KCNK10: variants seen among roughly 807,000 people sequenced by gnomAD.
KCNK10 encodes the protein potassium two pore domain channel subfamily K member 10, also known as potassium channel subfamily K member 10.
Under a neutral mutation model 47.7 loss-of-function variants are expected in KCNK10, and 25 were observed. That is an observed-to-expected ratio of 0.52 (90% CI 0.38 to 0.73). The LOEUF (loss-of-function observed/expected upper bound fraction) is 0.73, where lower values mean the gene tolerates loss of function less well. KCNK10 is among the 30% of genes least tolerant of loss of function. The probability of loss-of-function intolerance (pLI) is 0.00; values close to 1 mark genes in which losing one functional copy is unlikely to be tolerated. For missense variants in KCNK10, 563 were observed against 714.5 expected (o/e 0.79, Z 2.42); for synonymous variants, 303 against 285.6 (o/e 1.06, Z -0.61).
intron 2 of KCNK10, among the ~76,000 whole-genome samples, chr14:88,241,432 G>A (rs1379230891): frequency 1.3e-5 from 2 of 152,098 alleles, no homozygotes; most frequent in East Asian, 3.9e-4. Flanking sequence ...CCAAATGTCT[G>A]GCTCCCAGTT....
intron 1 of KCNK10, among the ~76,000 whole-genome samples, chr14:88,306,646 T>C (rs1888208384): frequency 1.3e-5 from 2 of 149,776 alleles, no homozygotes; most frequent in African/African-American, 2.4e-5. Context: ...GAGGAAGGGA[T>C]ACACCATCTC....
At chr14:88,212,109 A>AATATATTTATATATATATATAT in intron 4 of KCNK10, among the ~76,000 whole-genome samples, 1 of 133,334 alleles carries the variant, frequency 7.5e-6, no homozygotes, top group Non-Finnish European at 1.6e-5. Flanking sequence ...TGATAGTGAG[A>AATATATTTATATATATATATAT]ATATATATAT....
chr14:88,264,202 G>A (rs1234807552), intron 1 of KCNK10, among the ~76,000 whole-genome samples: 4 of 152,026 alleles, frequency 2.6e-5, no homozygotes, highest in African/African-American at 4.8e-5. Context: ...CCTGGTTTTC[G>A]AAGCACATAG....
At chr14:88,200,019 T>C (rs1267321072) in intron 4 of KCNK10, among the ~76,000 whole-genome samples, 1 of 151,424 alleles carries the variant, frequency 6.6e-6, no homozygotes, top group African/African-American at 2.4e-5. Flanking sequence ...CTTCTTTCTC[T>C]TCTTTCCTTC....
At chr14:88,233,877 G>C (rs28389779) in intron 3 of KCNK10, among the ~76,000 whole-genome samples, 1,637 of 152,284 alleles carry the variant, frequency 0.011, 35 homozygotes, top group African/African-American at 0.038. Context: ...CATGAAACAA[G>C]AAAATTAGGA....
chr14:88,318,878 T>A (rs1214123857), intron 1 of KCNK10, among the ~76,000 whole-genome samples: 2 of 152,214 alleles, frequency 1.3e-5, no homozygotes, highest in Non-Finnish European at 2.9e-5. Context: ...ATCCAAAGTT[T>A]TTTTACACTG....
intron 3 of KCNK10, among the ~76,000 whole-genome samples, chr14:88,231,593 T>C (rs1886160790): frequency 1.3e-5 from 2 of 152,208 alleles, no homozygotes; most frequent in Admixed American, 1.3e-4. Flanking sequence ...GTGAGCATCA[T>C]TCATCCAGCT....
At chr14:88,320,868 C>G (rs1471114209) in intron 1 of KCNK10, among the ~76,000 whole-genome samples, 3 of 152,150 alleles carry the variant, frequency 2.0e-5, no homozygotes, top group African/African-American at 7.2e-5. Context: ...CTCTTCCAAC[C>G]CCACAATGCT....
intron 1 of KCNK10, among the ~76,000 whole-genome samples, chr14:88,279,475 T>G (rs1887599736): frequency 6.6e-6 from 1 of 151,704 alleles, no homozygotes; most frequent in Admixed American, 6.6e-5. Context: ...CAATGTGTGC[T>G]ACCAGATTCA....
rs958699756 is a variant in KCNK10, at chr14:88,299,966, G to T, written c.52+22781C>A. Among the ~76,000 whole-genome samples, 5 of 152,144 alleles carry T rather than the reference G, an allele frequency of 3.3e-5. 1 individual carries two copies. The highest frequency in any genetic ancestry group is 7.4e-5 in the Non-Finnish European group (5 of 68,026). On this transcript the variant is annotated intron_variant, in intron 1 of 6. Coordinates refer to ENST00000319231, the MANE Select transcript of KCNK10 (RefSeq NM_138317.3). ...CCTAACTGGGCCTGAATCTGGTTTT[G>T]CTCTCAAATGCACCCACTGCAATAT...
At position 88,186,846 on chromosome 14, in the gene KCNK10, G is replaced by A. The variant is rs573329552; in HGVS notation, c.1012-691C>T. 8.5e-5 allele frequency among the ~76,000 whole-genome samples: 13 copies of A among 152,288 alleles called. No homozygotes were observed. Among genetic ancestry groups the A allele is most frequent in the African/African-American group, 3.1e-4 (13 of 41,578 alleles). On this transcript the variant is annotated intron_variant, in intron 6 of 6. Transcript: ENST00000319231. This position sits in a 1 kb window ranked among gnomAD's most constrained non-coding sequence, Gnocchi z 5.5. ...CTGGTAACCCACTTCCCCCAGTCAG[G>A]GTGCAGGAAGACGGCCTATTCTGCC...
intron 4 of KCNK10, among the ~76,000 whole-genome samples, chr14:88,196,693 C>G (rs183410143): frequency 6.6e-6 from 1 of 152,266 alleles, no homozygotes; most frequent in East Asian, 1.9e-4. Context: ...AAGACAGAAG[C>G]TAAACATGCA....
At chr14:88,271,345 G>T (rs1017563314) in intron 1 of KCNK10, among the ~76,000 whole-genome samples, 1 of 152,184 alleles carries the variant, frequency 6.6e-6, no homozygotes, top group Admixed American at 6.5e-5. Flanking sequence ...CAGAAACTTT[G>T]ACTGCAGAGT....
At chr14:88,273,816 T>G (rs540944891) in intron 1 of KCNK10, among the ~76,000 whole-genome samples, 1 of 152,292 alleles carries the variant, frequency 6.6e-6, no homozygotes, top group South Asian at 2.1e-4. Flanking sequence ...TTGCCCTAAG[T>G]TTTTTCCTCC....
rs182763452 is a variant in KCNK10 at position 88,219,166 on chromosome 14, C to T, written c.681+8209G>A. 9.9e-5 allele frequency among the ~76,000 whole-genome samples: 15 copies of T among 152,234 alleles called. No individual in the cohort carries two copies. The East Asian group carries it at 2.7e-3, about 27-fold the overall frequency. ...TTCCCCCCGAAGAGTGATGCACAAA[C>T]GACCTGGAACTAAATTCCTGAAAGG... On this transcript the variant is annotated intron_variant, in intron 4 of 6. Coordinates refer to ENST00000319231, the MANE Select transcript of KCNK10 (RefSeq NM_138317.3).
At chr14:88,275,230 C>G (rs763155336) in intron 1 of KCNK10, among the ~76,000 whole-genome samples, 1 of 152,152 alleles carries the variant, frequency 6.6e-6, no homozygotes, top group Non-Finnish European at 1.5e-5. Flanking sequence ...CCCGCAGTTC[C>G]TCTGAGACCC....
At chr14:88,198,915 A>ATTTTATTTTG (rs1213653290) in intron 4 of KCNK10, among the ~76,000 whole-genome samples, 1 of 148,630 alleles carries the variant, frequency 6.7e-6, no homozygotes, top group Non-Finnish European at 1.5e-5. Flanking sequence ...ATTTTATTTT[A>ATTTTATTTTG]TTTTATTTTA....
chr14:88,192,405 C>T lies in KCNK10; in HGVS notation c.687G>A (p.Lys229=). ...IARVEKVFRK[K]QVSQTKIRVI... The stretch of plus-strand genomic sequence containing the variant: ...CCCGGATCTTGGTCTGACTCACTTG[C>T]TTTTTCTAGGAAGAGCAAAGGAGAA... The change falls in exon 5 of 7, where the codon AAG becomes AAA. Residue 229 remains lysine (K), a synonymous_variant. Coordinates refer to ENST00000319231, the MANE Select transcript of KCNK10 (RefSeq NM_138317.3). 1 of 1,613,450 alleles carries T rather than the reference C, an allele frequency of 6.2e-7. No homozygotes were observed. The highest frequency in any genetic ancestry group is 8.5e-7 in the Non-Finnish European group (1 of 1,179,724).
intron 1 of KCNK10, among the ~76,000 whole-genome samples, chr14:88,320,698 G>A (rs1255402124): frequency 2.6e-5 from 4 of 151,986 alleles, no homozygotes; most frequent in East Asian, 1.9e-4. Context: ...TCTCTACTCC[G>A]TCCGCTTCTC....
Sources: gnomAD v4.1 joint callset for allele counts (sites outside exome capture counted in the v4.1 genomes callset) on GRCh38, gnomAD v4.1.1 for gene constraint, Gnocchi (gnomAD v3.1) non-coding constraint, MANE v1.5 for transcripts, NCBI Gene and HGNC (gene_info 2026-07-23, HGNC 2026-07-21) for gene names.